IQCM: variants seen among roughly 807,000 people sequenced by gnomAD.
The protein encoded by IQCM is IQ domain-containing protein M.
In IQCM, 45 loss-of-function variants were observed where a neutral mutation model predicts 57.6. That is an observed-to-expected ratio of 0.78 (90% CI 0.62 to 1.00). The LOEUF (loss-of-function observed/expected upper bound fraction) is 1.00. IQCM is among the 50% of genes least tolerant of loss of function. The pLI is 0.00. For synonymous variants in IQCM, 148 were observed against 158.9 expected, an observed-to-expected ratio of 0.93 and a Z score of 0.51; for missense variants, 468 against 511.6, an observed-to-expected ratio of 0.91 and a Z score of 0.82.
chr4:149,449,469 T>C (rs1214190654), intron 12 of IQCM, among the ~76,000 whole-genome samples: 1 of 148,604 alleles, frequency 6.7e-6, no homozygotes, highest in South Asian at 2.1e-4. Context: ...ATTTTATTAT[T>C]CTCCACCAAA....
chr4:149,541,426 A>T (rs903031463), intron 12 of IQCM, among the ~76,000 whole-genome samples: 1 of 152,144 alleles, frequency 6.6e-6, no homozygotes, highest in African/African-American at 2.4e-5. Flanking sequence ...TCTTAATTGC[A>T]GAAAATGAAC....
chr4:149,750,477 A>C (rs1768328984), intron 2 of IQCM, among the ~76,000 whole-genome samples: 1 of 152,214 alleles, frequency 6.6e-6, no homozygotes, highest in Non-Finnish European at 1.5e-5. Context: ...ATATATGTCC[A>C]AGAACAAAAA....
chr4:149,724,564 CACAT>C (rs1765726104), intron 5 of IQCM, among the ~76,000 whole-genome samples: 2 of 151,964 alleles, frequency 1.3e-5, no homozygotes, highest in African/African-American at 2.4e-5. Flanking sequence ...CACAAACACA[CACAT>C]ACACACTCAA....
chr4:149,553,304 G>T lies in IQCM; in HGVS notation c.949-17C>A, dbSNP rs375727233. On this transcript the variant is annotated splice_polypyrimidine_tract_variant and intron_variant, in intron 10 of 13. Coordinates refer to ENST00000636793, the MANE Select transcript of IQCM (RefSeq NM_001363507.2). Reference sequence around the variant, plus strand: ...ATCCAAAGCCTACAAAGACAGAAAAGCTCCTTATATATTTCTGGTATTTAT... The same window carrying T: ...ATCCAAAGCCTACAAAGACAGAAAATCTCCTTATATATTTCTGGTATTTAT... The T allele has an allele frequency of 1.1e-5, 14 of 1,230,364 alleles. No individual in the cohort carries two copies. The highest frequency in any genetic ancestry group is 9.5e-5 in the East Asian group (3 of 31,670). The allele number at this position is 1,230,364 out of a possible 1,614,324, so 76.2% of individuals were successfully genotyped here. A position where few individuals can be genotyped will look rare whatever the true frequency, so the allele number is the denominator to read the frequency against.
chr4:149,664,958 T>C (rs1760576190), intron 7 of IQCM, among the ~76,000 whole-genome samples: 1 of 152,178 alleles, frequency 6.6e-6, no homozygotes, highest in East Asian at 1.9e-4. Flanking sequence ...TCTGCAGGTC[T>C]TTTCATTCCC....
chr4:149,354,363 C>CAAA lies in IQCM; in HGVS notation c.1391-2300_1391-2298dup, dbSNP rs70965178. Among the ~76,000 whole-genome samples, 55 of 20,240 alleles carry CAAA rather than the reference C, an allele frequency of 2.7e-3. 3 individuals are homozygous for CAAA. Among genetic ancestry groups the CAAA allele is most frequent in the South Asian group, 0.013 (2 of 160 alleles). 13.3% of individuals were successfully genotyped at this position (20,240 alleles called of 152,430 possible). On this transcript the variant is annotated intron_variant, in intron 13 of 13. Coordinates refer to ENST00000636793, the MANE Select transcript of IQCM (RefSeq NM_001363507.2). ...TGGGCGACAGAGCGAGACTCCGTCT[C>CAAA]AAAAAAAAAAAAAAAAAAAAAAAAA...
chr4:149,358,514 A>T (rs1729177257), intron 13 of IQCM, among the ~76,000 whole-genome samples: 2 of 152,120 alleles, frequency 1.3e-5, no homozygotes, highest in Admixed American at 1.3e-4. Flanking sequence ...CACAGTAGTC[A>T]TTCAGGAGCA....
intron 13 of IQCM, 31 bp from the exon 14 acceptor site, chr4:149,352,097 A>T (rs1427032473): frequency 5.0e-6 from 2 of 398,772 alleles, no homozygotes; most frequent in African/African-American, 4.1e-5. Context: ...TCACATTAAT[A>T]TATTTTCAAT....
chr4:149,395,124 C>T (rs1162180921), intron 13 of IQCM, among the ~76,000 whole-genome samples: 2 of 151,968 alleles, frequency 1.3e-5, no homozygotes, highest in African/African-American at 4.8e-5. Context: ...GAGGCCAATT[C>T]AAATGGGAAA....
chr4:149,479,511 C>T (rs1740550478), intron 12 of IQCM, among the ~76,000 whole-genome samples: 1 of 152,132 alleles, frequency 6.6e-6, no homozygotes, highest in African/African-American at 2.4e-5. Context: ...AATAGGCACT[C>T]TTATTATTTC....
intron 5 of IQCM, among the ~76,000 whole-genome samples, chr4:149,720,358 T>C (rs980312435): frequency 2.6e-5 from 4 of 152,216 alleles, no homozygotes; most frequent in Non-Finnish European, 4.4e-5. Flanking sequence ...TATGTATTCA[T>C]AGTTTTATTC....
At chr4:149,448,299 T>C (rs1277781022) in intron 12 of IQCM, among the ~76,000 whole-genome samples, 1 of 151,606 alleles carries the variant, frequency 6.6e-6, no homozygotes, top group African/African-American at 2.4e-5. Flanking sequence ...TTAGAAAATA[T>C]TTTGAACTAA....
At chr4:149,515,656 A>G (rs1320277631) in intron 12 of IQCM, among the ~76,000 whole-genome samples, 3 of 152,208 alleles carry the variant, frequency 2.0e-5, no homozygotes, top group African/African-American at 7.2e-5. Flanking sequence ...CAGTGAAGGG[A>G]AATCTTCCGA....
intron 2 of IQCM, among the ~76,000 whole-genome samples, chr4:149,777,716 G>A (rs1198487621): frequency 2.6e-5 from 4 of 152,048 alleles, no homozygotes; most frequent in South Asian, 2.1e-4. Flanking sequence ...TTCTTTCCCC[G>A]AAGTACAACT....
At chr4:149,508,565 C>T (rs1198529359) in intron 12 of IQCM, among the ~76,000 whole-genome samples, 1 of 152,186 alleles carries the variant, frequency 6.6e-6, no homozygotes, top group Non-Finnish European at 1.5e-5. Flanking sequence ...GCCAATTTCT[C>T]CCATTTGCAA....
chr4:149,801,358 G>A (rs189399799), intron 2 of IQCM, among the ~76,000 whole-genome samples: 10 of 151,970 alleles, frequency 6.6e-5, no homozygotes, highest in Admixed American at 2.6e-4. Context: ...TAAAAAATGA[G>A]CTATCACATG....
intron 12 of IQCM, among the ~76,000 whole-genome samples, chr4:149,470,583 G>C (rs1739412183): frequency 6.6e-6 from 1 of 151,996 alleles, no homozygotes; most frequent in Non-Finnish European, 1.5e-5. Flanking sequence ...AAGTTAACAA[G>C]GATATCCAGG....
intron 13 of IQCM, among the ~76,000 whole-genome samples, chr4:149,395,009 T>C (rs994245707): frequency 6.6e-6 from 1 of 151,928 alleles, no homozygotes; most frequent in Non-Finnish European, 1.5e-5. Context: ...GAAAAACATC[T>C]TAGAAGGAGA....
intron 12 of IQCM, among the ~76,000 whole-genome samples, chr4:149,450,150 G>A (rs569171822): frequency 6.6e-6 from 1 of 151,788 alleles, no homozygotes; most frequent in South Asian, 2.1e-4. Context: ...AAAACTGGAT[G>A]TCCACATGCA....
Sources: gnomAD v4.1 joint callset for allele counts (sites outside exome capture counted in the v4.1 genomes callset) on GRCh38, gnomAD v4.1.1 for gene constraint, MANE v1.5 for transcripts, NCBI Gene and HGNC (gene_info 2026-07-23, HGNC 2026-07-21) for gene names.